The following CNTNAP5 variants were observed in gnomAD, a reference collection of about 807,000 sequenced individuals.
CNTNAP5 encodes contactin-associated protein-like 5.
Under a neutral mutation model 150.2 loss-of-function variants are expected in CNTNAP5, and 72 were observed. That is an observed-to-expected ratio of 0.48 (90% confidence interval 0.40 to 0.58). CNTNAP5 has a LOEUF of 0.58. Among genes scored for constraint, CNTNAP5 ranks in the 20% least tolerant of loss-of-function variants. The probability of loss-of-function intolerance (pLI) is 0.00; values close to 1 mark genes in which losing one functional copy is unlikely to be tolerated. For synonymous variants in CNTNAP5, 672 were observed against 619.8 expected (o/e 1.08, Z -1.25); for missense variants, 1,636 against 1,626.2 (o/e 1.01, Z -0.10).
intron 19 of CNTNAP5, among the ~76,000 whole-genome samples, chr2:124,841,348 C>A (rs1315948570): frequency 6.6e-6 from 1 of 151,922 alleles, no homozygotes; most frequent in Non-Finnish European, 1.5e-5. Context: ...TACACGCCCA[C>A]CTTCCACCCA....
intron 11 of CNTNAP5, among the ~76,000 whole-genome samples, chr2:124,590,134 G>A (rs1696647306): frequency 6.6e-6 from 1 of 152,050 alleles, no homozygotes; most frequent in Non-Finnish European, 1.5e-5. Flanking sequence ...CTCACTAGAT[G>A]CAGTCCCCTG....
intron 6 of CNTNAP5, among the ~76,000 whole-genome samples, chr2:124,449,873 C>T (rs777806337): frequency 6.6e-6 from 1 of 152,046 alleles, no homozygotes; most frequent in Non-Finnish European, 1.5e-5. Context: ...TGAAGATTCA[C>T]CCCAAAGTCT....
chr2:124,828,037 G>A (rs1199320938), intron 19 of CNTNAP5, among the ~76,000 whole-genome samples: 3 of 152,168 alleles, frequency 2.0e-5, no homozygotes, highest in East Asian at 3.9e-4. Context: ...AGTGTGCCAT[G>A]GACAGGGATG....
At chr2:124,268,508 T>C (rs1252346635) in intron 3 of CNTNAP5, among the ~76,000 whole-genome samples, 2 of 152,186 alleles carry the variant, frequency 1.3e-5, no homozygotes, top group African/African-American at 4.8e-5. Context: ...AAATCGTAAA[T>C]AGAGGCCTAC....
At chr2:124,617,455 A>G (rs1367742749) in intron 12 of CNTNAP5, among the ~76,000 whole-genome samples, 2 of 152,094 alleles carry the variant, frequency 1.3e-5, no homozygotes, top group Non-Finnish European at 1.5e-5. Context: ...TTGCAGCCTC[A>G]GCACTTTAAT....
At chr2:124,328,778 C>T (rs1057389048) in intron 3 of CNTNAP5, among the ~76,000 whole-genome samples, 3 of 152,056 alleles carry the variant, frequency 2.0e-5, no homozygotes, top group African/African-American at 7.2e-5. Context: ...GTTTTTTATC[C>T]TGATCAGGTG....
intron 11 of CNTNAP5, among the ~76,000 whole-genome samples, chr2:124,577,178 G>A (rs777180251): frequency 1.4e-4 from 21 of 151,812 alleles, no homozygotes; most frequent in Admixed American, 5.9e-4. Flanking sequence ...CATTTTTTCC[G>A]CAGCACTATC....
intron 3 of CNTNAP5, among the ~76,000 whole-genome samples, chr2:124,363,901 AT>A (rs750002352): frequency 6.6e-6 from 1 of 152,110 alleles, no homozygotes; most frequent in Non-Finnish European, 1.5e-5. Context: ...AATCCCATTA[AT>A]TTTTGCCACT....
chr2:124,774,475 A>G (rs1681277624), intron 17 of CNTNAP5, among the ~76,000 whole-genome samples: 2 of 152,196 alleles, frequency 1.3e-5, no homozygotes, highest in African/African-American at 4.8e-5. Context: ...AGAAGCTAAG[A>G]TATAAATTAT....
intron 5 of CNTNAP5, among the ~76,000 whole-genome samples, chr2:124,445,234 C>T (rs368088077): frequency 6.1e-4 from 92 of 151,972 alleles, no homozygotes; most frequent in African/African-American, 1.8e-3. Context: ...GGATTACAGG[C>T]GCCCATCACC....
chr2:124,721,469 G>A (rs1680046324), intron 13 of CNTNAP5, among the ~76,000 whole-genome samples: 1 of 139,760 alleles, frequency 7.2e-6, no homozygotes, highest in Non-Finnish European at 1.5e-5. Context: ...GTGACAGAGT[G>A]AGACTCCATC....
intron 1 of CNTNAP5, among the ~76,000 whole-genome samples, chr2:124,088,863 C>G (rs989221759): frequency 6.6e-6 from 1 of 152,154 alleles, no homozygotes; most frequent in African/African-American, 2.4e-5. Context: ...CGTGGAAGTG[C>G]AGGTTCACCA....
intron 21 of CNTNAP5, among the ~76,000 whole-genome samples, chr2:124,899,765 A>G (rs1678378491): frequency 6.6e-6 from 1 of 151,346 alleles, no homozygotes; most frequent in Admixed American, 6.6e-5. Flanking sequence ...ACAGCACATG[A>G]AACAGTCCCC....
At chr2:124,059,032 CTTA>C (rs980202919) in intron 1 of CNTNAP5, among the ~76,000 whole-genome samples, 1 of 152,054 alleles carries the variant, frequency 6.6e-6, no homozygotes, top group African/African-American at 2.4e-5. Context: ...CAGAAGTAAA[CTTA>C]TTATCAACAA....
At chr2:124,705,036 T>C (rs1573559241) in intron 13 of CNTNAP5, among the ~76,000 whole-genome samples, 3 of 147,824 alleles carry the variant, frequency 2.0e-5, no homozygotes, top group South Asian at 2.2e-4. Flanking sequence ...TTGCTTTTTT[T>C]CTTAGTACTT....
chr2:124,576,138 ATATATCTATATCTATATC>A (rs60325451), intron 11 of CNTNAP5, among the ~76,000 whole-genome samples: 1 of 150,928 alleles, frequency 6.6e-6, no homozygotes, highest in African/African-American at 2.4e-5. Context: ...GGATGGCTGT[ATATATCTATATCTATATC>A]TATATCTATA....
At chr2:124,737,527 C>A (rs75990132) in intron 13 of CNTNAP5, among the ~76,000 whole-genome samples, 2 of 152,024 alleles carry the variant, frequency 1.3e-5, no homozygotes, top group Non-Finnish European at 2.9e-5. Context: ...TGGAATAAGA[C>A]GTAAGGCTGA....
chr2:124,794,501 C>T (rs1036474227), intron 18 of CNTNAP5, among the ~76,000 whole-genome samples: 3 of 152,114 alleles, frequency 2.0e-5, no homozygotes, highest in African/African-American at 7.2e-5. Flanking sequence ...ACAATAAACA[C>T]ATATATTGAT....
At chr2:124,886,781 C>T (rs1384891751) in intron 21 of CNTNAP5, among the ~76,000 whole-genome samples, 4 of 152,056 alleles carry the variant, frequency 2.6e-5, no homozygotes, top group African/African-American at 9.7e-5. Context: ...CAAACTCCCC[C>T]TGCTTACCTC....
Sources: allele counts gnomAD v4.1 joint callset (sites outside exome capture counted in the v4.1 genomes callset), GRCh38; gene constraint gnomAD v4.1.1; transcripts MANE v1.5; gene names NCBI Gene and HGNC (gene_info 2026-07-23, HGNC 2026-07-21).